Variants in NRG3 observed in about 807,000 individuals in gnomAD.
NRG3 encodes the protein neuregulin 3, also known as pro-neuregulin-3, membrane-bound isoform.
Under a neutral mutation model 66.9 loss-of-function variants are expected in NRG3, and 31 were observed. The observed-to-expected ratio is 0.46, with a 90% CI of 0.35 to 0.63. The LOEUF is 0.63. Ranked by LOEUF, NRG3 falls within the 20% of genes least tolerant of loss-of-function variation. The probability of loss-of-function intolerance (pLI) is 0.00; values close to 1 mark genes in which losing one functional copy is unlikely to be tolerated. For missense variants in NRG3, 910 were observed against 878.9 expected (o/e 1.04, Z -0.45); for synonymous variants, 393 against 359.4 (o/e 1.09, Z -1.06).
At chr10:82,591,438 A>C (rs1258781074) in intron 2 of NRG3, among the ~76,000 whole-genome samples, 2 of 152,234 alleles carry the variant, frequency 1.3e-5, no homozygotes, top group Non-Finnish European at 2.9e-5. Flanking sequence ...AAACTGTAGT[A>C]ACAATCAACG....
chr10:82,283,941 T>C (rs560994621), intron 1 of NRG3, among the ~76,000 whole-genome samples: 1 of 152,234 alleles, frequency 6.6e-6, no homozygotes, highest in African/African-American at 2.4e-5. Context: ...CATTTCAGCA[T>C]CTTCTGGTTT....
At chr10:82,503,279 A>G (rs1844370042) in intron 2 of NRG3, among the ~76,000 whole-genome samples, 1 of 152,206 alleles carries the variant, frequency 6.6e-6, no homozygotes, top group African/African-American at 2.4e-5. Context: ...TTTTAGAGGC[A>G]TGACCAAAAT....
At chr10:82,759,457 C>A (rs529404866) in intron 3 of NRG3, among the ~76,000 whole-genome samples, 3 of 152,116 alleles carry the variant, frequency 2.0e-5, no homozygotes, top group Non-Finnish European at 4.4e-5. Flanking sequence ...TCTTTTATAA[C>A]AACTCTAAAC....
intron 2 of NRG3, among the ~76,000 whole-genome samples, chr10:82,554,618 T>C (rs1055796759): frequency 6.6e-6 from 1 of 152,136 alleles, no homozygotes; most frequent in Non-Finnish European, 1.5e-5. Context: ...TCAAAGGCTG[T>C]TATGGTCATG....
chr10:82,408,131 G>GAAAGAAAGAAAGAA lies in NRG3; in HGVS notation c.953+49266_953+49279dup, dbSNP rs1554911303. 9.3e-3 allele frequency among the ~76,000 whole-genome samples: 1,207 copies of GAAAGAAAGAAAGAA among 129,626 alleles called. 46 individuals carry two copies. Among genetic ancestry groups the GAAAGAAAGAAAGAA allele is most frequent in the East Asian group, 0.025 (105 of 4,120 alleles). 85.0% of individuals were successfully genotyped at this position (129,626 alleles called of 152,430 possible). On this transcript the variant is annotated intron_variant, in intron 2 of 8. Transcript: ENST00000372141. ...AGAAAGAAAGAAAGAAAGAAAGAAA[G>GAAAGAAAGAAAGAA]AAAGAAAGAAAGAAAAGAAAAAGAA...
chr10:82,326,046 TC>T (rs1263467614), intron 1 of NRG3, among the ~76,000 whole-genome samples: 1 of 152,186 alleles, frequency 6.6e-6, no homozygotes, highest in Non-Finnish European at 1.5e-5. Flanking sequence ...CTGAAGGATG[TC>T]CTTTACATTT....
At chr10:81,981,334 A>G (rs879792188) in intron 1 of NRG3, among the ~76,000 whole-genome samples, 9 of 152,200 alleles carry the variant, frequency 5.9e-5, no homozygotes, top group Non-Finnish European at 1.0e-4. Context: ...AGGAATAAAT[A>G]TGAAAGAAGA....
chr10:82,764,197 A>G (rs2059427299), intron 3 of NRG3, among the ~76,000 whole-genome samples: 1 of 150,800 alleles, frequency 6.6e-6, no homozygotes, highest in African/African-American at 2.4e-5. Context: ...ACCACACCCA[A>G]CTACTTTTTG....
chr10:82,587,866 T>C (rs1435147619), intron 2 of NRG3, among the ~76,000 whole-genome samples: 1 of 152,228 alleles, frequency 6.6e-6, no homozygotes. Flanking sequence ...GTGTAAATAG[T>C]CGATGTGATG....
rs116908372 is a variant in NRG3 at position 82,853,199 on chromosome 10, G to A, written c.1028-12212G>A. ...CCCAGAAAATCTGGAAAATTATGGC[G>A]CCAAAGATGGCCTGAATGAAAGCAT... On this transcript the variant is annotated intron_variant, in intron 3 of 8. Coordinates refer to ENST00000372141, the MANE Select transcript of NRG3 (RefSeq NM_001010848.4). 5.9e-5 allele frequency among the ~76,000 whole-genome samples: 9 copies of A among 152,294 alleles called. No homozygotes were observed. The East Asian group carries it at 9.6e-4, about 16-fold the overall frequency.
chr10:82,278,851 C>T (rs772351997), intron 1 of NRG3, among the ~76,000 whole-genome samples: 18 of 152,136 alleles, frequency 1.2e-4, no homozygotes, highest in Non-Finnish European at 2.6e-4. Flanking sequence ...CTTATTTCCT[C>T]TTCGCCTTGA....
intron 1 of NRG3, among the ~76,000 whole-genome samples, chr10:82,154,086 A>G (rs2070999581): frequency 6.6e-6 from 1 of 151,858 alleles, no homozygotes; most frequent in Non-Finnish European, 1.5e-5. Context: ...GTGCAATCCC[A>G]TTTGTCTGTT....
intron 3 of NRG3, among the ~76,000 whole-genome samples, chr10:82,857,677 C>A (rs1337468465): frequency 6.6e-6 from 1 of 152,132 alleles, no homozygotes; most frequent in Non-Finnish European, 1.5e-5. Flanking sequence ...GGAATTACTT[C>A]TAAGAGATAT....
In NRG3 at chr10:82,893,418, G is replaced by A. The variant is rs567818341; in HGVS notation, c.1054+27981G>A. Among the ~76,000 whole-genome samples the A allele has an allele frequency of 5.3e-5, 8 of 152,280 alleles. No individual in the cohort carries two copies. In the East Asian group the frequency reaches 5.8e-4, roughly 11 times the overall value. ...GAATTAATAGAAGTGGGCCAGGCGC[G>A]GTGGCTCACGCCTGTAATCCCAGCA... On this transcript the variant is annotated intron_variant, in intron 4 of 8. Coordinates refer to ENST00000372141, the MANE Select transcript of NRG3 (RefSeq NM_001010848.4).
chr10:82,077,520 C>T (rs1488205193), intron 1 of NRG3, among the ~76,000 whole-genome samples: 1 of 152,186 alleles, frequency 6.6e-6, no homozygotes, highest in Non-Finnish European at 1.5e-5. Context: ...ATGCTTCCAT[C>T]TCTTGTAACT....
At chr10:82,303,135 T>G (rs1256234533) in intron 1 of NRG3, among the ~76,000 whole-genome samples, 2 of 152,174 alleles carry the variant, frequency 1.3e-5, no homozygotes, top group African/African-American at 4.8e-5. Flanking sequence ...TTTCTCCCAC[T>G]CAAGTAAGAT....
At chr10:82,256,749 G>A (rs1193295567) in intron 1 of NRG3, among the ~76,000 whole-genome samples, 1 of 152,204 alleles carries the variant, frequency 6.6e-6, no homozygotes. Context: ...CACAAGGAAT[G>A]TGTATGAGCA....
intron 2 of NRG3, among the ~76,000 whole-genome samples, chr10:82,473,808 C>T (rs1027751623): frequency 2.6e-5 from 4 of 151,938 alleles, no homozygotes; most frequent in African/African-American, 9.7e-5. Context: ...TAGATTTGAC[C>T]GCAGTCTGAA....
chr10:82,433,653 A>T (rs2089960171), intron 2 of NRG3, among the ~76,000 whole-genome samples: 1 of 152,144 alleles, frequency 6.6e-6, no homozygotes. Context: ...GTCCAGTTTC[A>T]GTTTTCTGCA....
Sources: allele counts gnomAD v4.1 joint callset (sites outside exome capture counted in the v4.1 genomes callset), GRCh38; gene constraint gnomAD v4.1.1; transcripts MANE v1.5; gene names NCBI Gene and HGNC (gene_info 2026-07-23, HGNC 2026-07-21).